PCBP3: variants seen among roughly 807,000 people sequenced by gnomAD.
PCBP3 encodes the protein poly(rC)-binding protein 3.
In PCBP3, 25 loss-of-function variants were observed where a neutral mutation model predicts 52.7. The ratio of observed to expected loss-of-function variants is 0.47; its 90% CI spans 0.35 to 0.66. The LOEUF is 0.66. PCBP3 is among the 30% of genes least tolerant of loss of function. PCBP3 has a pLI of 0.01. For missense variants in PCBP3, 391 were observed against 490.3 expected (o/e 0.80, Z 1.91); for synonymous variants, 162 against 183.0 (o/e 0.89, Z 0.93).
chr21:45,714,906 A>C (rs959567429), intron 2 of PCBP3, among the ~76,000 whole-genome samples: 1 of 152,216 alleles, frequency 6.6e-6, no homozygotes, highest in Admixed American at 6.5e-5. Context: ...TTGCTCTAGA[A>C]GAACTAGTGG....
chr21:45,847,431 C>T (rs1384213837), intron 4 of PCBP3, among the ~76,000 whole-genome samples: 1 of 152,314 alleles, frequency 6.6e-6, no homozygotes, highest in Non-Finnish European at 1.5e-5. Flanking sequence ...CTGTGCTCAA[C>T]AGATTTGTTA....
chr21:45,761,108 T>A (rs1375036133), intron 4 of PCBP3: 2 of 151,386 alleles, frequency 1.3e-5, no homozygotes, highest in Non-Finnish European at 2.9e-5. Flanking sequence ...TGGGAAGAGC[T>A]GCTCCTCAGA....
At position 45,930,928 on chromosome 21, in the gene PCBP3, G is replaced by A. The variant is rs1022792992; in HGVS notation, c.856+83G>A. 2.9e-5 allele frequency: 46 copies of A among 1,572,372 alleles called. 1 individual carries two copies. Among genetic ancestry groups the A allele is most frequent in the East Asian group, 2.7e-4 (12 of 44,164 alleles). ...TGGGAGGAGGTGTGGGGGCCCTGCCGCTGCAGCAGTTTCCAGCTTCCATGG... is the reference window on the plus strand; with the variant it reads ...TGGGAGGAGGTGTGGGGGCCCTGCCACTGCAGCAGTTTCCAGCTTCCATGG... On this transcript the variant is annotated intron_variant, in intron 15 of 17. Transcript: ENST00000681687.
chr21:45,664,889 T>C (rs1338808610), intron 1 of PCBP3, among the ~76,000 whole-genome samples: 1 of 151,728 alleles, frequency 6.6e-6, no homozygotes, highest in African/African-American at 2.4e-5. Flanking sequence ...GTTCTTGCGA[T>C]AGTTTACTGA....
intron 4 of PCBP3, among the ~76,000 whole-genome samples, chr21:45,833,123 G>A (rs1229652205): frequency 2.0e-5 from 3 of 152,208 alleles, no homozygotes; most frequent in Non-Finnish European, 4.4e-5. Context: ...ACACCCAAGG[G>A]AAGGAGTGGG....
chr21:45,876,715 T>C (rs1252284847), intron 5 of PCBP3, among the ~76,000 whole-genome samples: 3 of 152,266 alleles, frequency 2.0e-5, no homozygotes, highest in African/African-American at 7.2e-5. Flanking sequence ...TGCAGCCTGA[T>C]GCAGGCACTG....
At chr21:45,845,502 G>A (rs555321011) in intron 4 of PCBP3, among the ~76,000 whole-genome samples, 18 of 151,028 alleles carry the variant, frequency 1.2e-4, no homozygotes, top group Non-Finnish European at 2.1e-4. Flanking sequence ...TTAAGCACCC[G>A]CGTGTACACG....
In PCBP3 at chr21:45,817,589, A is replaced by G. The variant is rs1603443174; in HGVS notation, c.-125-32372A>G. Among the ~76,000 whole-genome samples the G allele has an allele frequency of 6.6e-6, 1 of 152,214 alleles. No individual in the cohort carries two copies. Among genetic ancestry groups the G allele is most frequent in the Non-Finnish European group, 1.5e-5 (1 of 68,038 alleles). ...AGGCAGCAGCTTGTGTGTGTGCTGCACTGCCGTGAGCAGCAACTTGACAGT... is the reference window on the plus strand; with the variant it reads ...AGGCAGCAGCTTGTGTGTGTGCTGCGCTGCCGTGAGCAGCAACTTGACAGT... On this transcript the variant is annotated intron_variant, in intron 4 of 17. Coordinates refer to ENST00000681687, the MANE Select transcript of PCBP3 (RefSeq NM_001384156.1). This position sits in a 1 kb window ranked among gnomAD's most constrained non-coding sequence, Gnocchi z 4.3.
intron 5 of PCBP3, among the ~76,000 whole-genome samples, chr21:45,888,042 C>T (rs925110407): frequency 2.0e-5 from 3 of 152,330 alleles, no homozygotes; most frequent in Admixed American, 6.5e-5. Context: ...GCTAACGGTT[C>T]TCAGGGTCTC....
At chr21:45,785,360 G>A (rs1203266888) in intron 4 of PCBP3, among the ~76,000 whole-genome samples, 3 of 142,932 alleles carry the variant, frequency 2.1e-5, no homozygotes, top group Non-Finnish European at 3.1e-5. Context: ...CCCCCCGCCC[G>A]GCCAGCCGCC....
At chr21:45,899,395 C>G (rs1168674220) in intron 6 of PCBP3, among the ~76,000 whole-genome samples, 1 of 152,190 alleles carries the variant, frequency 6.6e-6, no homozygotes, top group East Asian at 1.9e-4. Context: ...AGACCCGGCT[C>G]AGGGCCTCTG....
chr21:45,885,266 G>T (rs541455286), intron 5 of PCBP3, among the ~76,000 whole-genome samples: 9 of 152,230 alleles, frequency 5.9e-5, no homozygotes, highest in African/African-American at 1.9e-4. Context: ...GCCATCCATT[G>T]TCTCCCTCCT....
At chr21:45,690,000 G>A (rs2082367298) in intron 2 of PCBP3, among the ~76,000 whole-genome samples, 1 of 152,118 alleles carries the variant, frequency 6.6e-6, no homozygotes, top group Admixed American at 6.5e-5. Context: ...AGGAAGTTGA[G>A]AAGCTGAGTC....
chr21:45,865,535 C>T (rs1474922136), intron 5 of PCBP3, among the ~76,000 whole-genome samples: 1 of 152,224 alleles, frequency 6.6e-6, no homozygotes, highest in Admixed American at 6.5e-5. Context: ...GTGCCTCCCG[C>T]CCCATCCGCC....
chr21:45,717,394 C>T (rs541538255), intron 2 of PCBP3, among the ~76,000 whole-genome samples: 1 of 152,294 alleles, frequency 6.6e-6, no homozygotes, highest in Non-Finnish European at 1.5e-5. Context: ...CAAGGGCAGG[C>T]ATCCTTGTCC....
At chr21:45,666,976 T>C (rs1333702815) in intron 1 of PCBP3, among the ~76,000 whole-genome samples, 1 of 152,168 alleles carries the variant, frequency 6.6e-6, no homozygotes, top group Non-Finnish European at 1.5e-5. Flanking sequence ...GTATAATTTT[T>C]TCCATCAGAT....
At position 45,860,602 on chromosome 21, in the gene PCBP3, C is replaced by T. The variant is rs78055933; in HGVS notation, c.10+10507C>T. Among the ~76,000 whole-genome samples, 31 of 152,326 alleles carry T rather than the reference C, an allele frequency of 2.0e-4. No homozygotes were observed. The East Asian group carries it at 5.6e-3, about 27-fold the overall frequency. ...CACATGACAGCCCCAAGGTAGAAAACCCATCGCCCTGGAGGGACACCGAAG... is the reference window on the plus strand; with the variant it reads ...CACATGACAGCCCCAAGGTAGAAAATCCATCGCCCTGGAGGGACACCGAAG... On this transcript the variant is annotated intron_variant, in intron 5 of 17. Coordinates refer to ENST00000681687, the MANE Select transcript of PCBP3 (RefSeq NM_001384156.1).
At chr21:45,684,010 G>A (rs1182868034) in intron 2 of PCBP3, among the ~76,000 whole-genome samples, 1 of 149,126 alleles carries the variant, frequency 6.7e-6, no homozygotes, top group East Asian at 2.0e-4. Context: ...GCCATGACAG[G>A]AGGATTGCTT....
intron 4 of PCBP3, among the ~76,000 whole-genome samples, chr21:45,778,363 T>G (rs921133144): frequency 6.6e-6 from 1 of 152,164 alleles, no homozygotes; most frequent in Non-Finnish European, 1.5e-5. Context: ...TCCTGGCACC[T>G]ATGCTGGTGG....
Sources: allele counts gnomAD v4.1 joint callset (sites outside exome capture counted in the v4.1 genomes callset), GRCh38; gene constraint gnomAD v4.1.1; non-coding constraint Gnocchi (gnomAD v3.1); transcripts MANE v1.5; gene names NCBI Gene and HGNC (gene_info 2026-07-23, HGNC 2026-07-21).